Variants in CHM observed in about 807,000 individuals in gnomAD.
The protein encoded by CHM is rab proteins geranylgeranyltransferase component A 1.
Under a neutral mutation model 49.0 loss-of-function variants are expected in CHM, and 10 were observed. The observed-to-expected ratio is 0.20, with a 90% CI of 0.13 to 0.35. The LOEUF (loss-of-function observed/expected upper bound fraction) is 0.35. CHM is among the 10% of genes least tolerant of loss of function. The pLI is 1.00. For missense variants in CHM, 455 were observed against 478.4 expected, an observed-to-expected ratio of 0.95 and a Z score of 0.46; for synonymous variants, 184 against 167.5, an observed-to-expected ratio of 1.10 and a Z score of -0.76.
chrX:85,890,988 C>A (rs780431812), intron 12 of CHM, among the ~76,000 whole-genome samples: 1 of 111,337 alleles, frequency 9.0e-6, no homozygotes, highest in African/African-American at 3.3e-5. Context: ...TTGTTGGGAA[C>A]TCGAGTAAAG....
intron 2 of CHM, among the ~76,000 whole-genome samples, chrX:86,007,284 T>G (rs1267010689): frequency 8.9e-6 from 1 of 112,067 alleles, no homozygotes; most frequent in Non-Finnish European, 1.9e-5. Context: ...GACTTACATG[T>G]TAGACCTAAA....
At chrX:85,956,954 A>G (rs1416580078) in intron 7 of CHM, among the ~76,000 whole-genome samples, 1 of 111,753 alleles carries the variant, frequency 8.9e-6, no homozygotes, top group Admixed American at 9.5e-5. Context: ...ATGTAATTGG[A>G]CTGTTAGTGG....
Position 86,021,126 on chromosome X carries a change from GTATATATATATATATA to G in CHM, c.116+6349_116+6364del, listed in dbSNP as rs3078128. Among the ~76,000 whole-genome samples, 92 of 55,957 alleles carry G rather than the reference GTATATATATATATATA, an allele frequency of 1.6e-3. 1 individual carries two copies. In the East Asian group the frequency reaches 0.035, roughly 21 times the overall value. 48.6% of individuals were successfully genotyped at this position (55,957 alleles called of 115,157 possible). A position where few individuals can be genotyped will look rare whatever the true frequency, so the allele number is the denominator to read the frequency against. Reference sequence around the variant, plus strand: ...TATACGTATATATATGTGTATATACGTATATATATATATATATATATATATATATATACACGTATAT... The same window carrying G: ...TATACGTATATATATGTGTATATACGTATATATATATATATACACGTATAT... On this transcript the variant is annotated intron_variant, in intron 2 of 14. Transcript: ENST00000357749.
chrX:85,887,070 G>A (rs1210962720), intron 12 of CHM, among the ~76,000 whole-genome samples: 1 of 108,020 alleles, frequency 9.3e-6, no homozygotes, highest in Non-Finnish European at 1.9e-5. Flanking sequence ...CAACCTTCCT[G>A]GTGTAAGCCT....
At chrX:86,005,232 C>A (rs775623508) in intron 2 of CHM, among the ~76,000 whole-genome samples, 1 of 112,136 alleles carries the variant, frequency 8.9e-6, no homozygotes, top group Non-Finnish European at 1.9e-5. Context: ...AAAGACACAA[C>A]ATACCAGAAT....
intron 9 of CHM, chrX:85,903,765 T>C (rs991824930): frequency 1.4e-5 from 5 of 354,124 alleles, no homozygotes; most frequent in African/African-American, 1.3e-4. Flanking sequence ...GTATCTCTTA[T>C]GTTGTGCTAG....
intron 1 of CHM, among the ~76,000 whole-genome samples, chrX:86,045,608 C>CA (rs1257269412): frequency 1.8e-5 from 2 of 111,596 alleles, no homozygotes; most frequent in Admixed American, 9.5e-5. Context: ...TCACCTGATG[C>CA]AATTCTCTGG....
chrX:85,978,557 C>T (rs779434464), intron 4 of CHM: 20 of 296,900 alleles, frequency 6.7e-5, no homozygotes, highest in Admixed American at 5.9e-4. Flanking sequence ...ATATTTAAAA[C>T]GGCTTGGTAA....
At chrX:85,984,099 G>A (rs1264830207) in intron 2 of CHM, among the ~76,000 whole-genome samples, 1 of 110,501 alleles carries the variant, frequency 9.0e-6, no homozygotes, top group Non-Finnish European at 1.9e-5. Context: ...CTACTCAGGA[G>A]GCTGAGGTAG....
chrX:85,862,529 T>A lies in CHM; in HGVS notation c.*2101A>T, dbSNP rs1027383589. 5 of 111,903 alleles carry A rather than the reference T, an allele frequency of 4.5e-5. No individual in the cohort carries two copies. Among genetic ancestry groups the A allele is most frequent in the African/African-American group, 1.6e-4 (5 of 30,686 alleles). 9.2% of individuals were successfully genotyped at this position (111,903 alleles called of 1,213,427 possible). ...GGGTTTCAGGAAACATGATTTGATA[T>A]AAGAAAAATCGAATCCCTATGACAA... On this transcript the variant is annotated 3_prime_UTR_variant, in exon 15 of 15. Transcript: ENST00000357749.
intron 1 of CHM, among the ~76,000 whole-genome samples, chrX:86,031,609 G>C (rs1357208610): frequency 8.9e-6 from 1 of 112,775 alleles, no homozygotes; most frequent in Non-Finnish European, 1.9e-5. Context: ...GGGAGGCCGA[G>C]GTGGGCAGAT....
At chrX:85,918,259 C>A (rs912232059) in intron 8 of CHM, among the ~76,000 whole-genome samples, 7 of 111,351 alleles carry the variant, frequency 6.3e-5, no homozygotes, top group African/African-American at 2.3e-4. Flanking sequence ...GGCCTATATA[C>A]AGCATTCTTA....
intron 2 of CHM, among the ~76,000 whole-genome samples, chrX:85,996,390 AT>A (rs1185181213): frequency 8.9e-6 from 1 of 112,005 alleles, no homozygotes; most frequent in Non-Finnish European, 1.9e-5. Context: ...TATAGATGCA[AT>A]TTCTGAAATA....
At chrX:85,979,737 C>A (rs1376452262) in intron 3 of CHM, among the ~76,000 whole-genome samples, 1 of 111,947 alleles carries the variant, frequency 8.9e-6, no homozygotes, top group Non-Finnish European at 1.9e-5. Flanking sequence ...AATAGAATTA[C>A]AATATCTTTT....
At chrX:86,003,056 A>G (rs2147751082) in intron 2 of CHM, among the ~76,000 whole-genome samples, 1 of 111,806 alleles carries the variant, frequency 8.9e-6, no homozygotes, top group Non-Finnish European at 1.9e-5. Context: ...CCAGGCAGCA[A>G]TATTTGTTGT....
At chrX:86,007,029 C>G (rs1325916658) in intron 2 of CHM, among the ~76,000 whole-genome samples, 5 of 111,720 alleles carry the variant, frequency 4.5e-5, no homozygotes, top group African/African-American at 1.3e-4. Flanking sequence ...GCTACAGTAA[C>G]CAAAACAGCA....
chrX:85,927,733 G>A (rs1055746535), intron 8 of CHM, among the ~76,000 whole-genome samples: 1 of 111,863 alleles, frequency 8.9e-6, no homozygotes, highest in African/African-American at 3.2e-5. Flanking sequence ...AACATGTACT[G>A]AATTTCAACT....
intron 2 of CHM, among the ~76,000 whole-genome samples, chrX:86,026,211 C>T (rs978907545): frequency 4.1e-5 from 4 of 98,377 alleles, no homozygotes; most frequent in Admixed American, 2.3e-4. Flanking sequence ...CCTCCACCAC[C>T]GGACCAAGTT....
At chrX:85,903,204 T>C (rs1429881110) in intron 9 of CHM, among the ~76,000 whole-genome samples, 1 of 111,553 alleles carries the variant, frequency 9.0e-6, no homozygotes, top group Non-Finnish European at 1.9e-5. Flanking sequence ...TAAAATGTTA[T>C]AGAATCCAGG....
Sources: allele counts gnomAD v4.1 joint callset (sites outside exome capture counted in the v4.1 genomes callset), GRCh38; gene constraint gnomAD v4.1.1; transcripts MANE v1.5; gene names NCBI Gene and HGNC (gene_info 2026-07-23, HGNC 2026-07-21).